Variants in KHDRBS2 observed in about 807,000 individuals in gnomAD.
KHDRBS2 encodes KH domain-containing, RNA-binding, signal transduction-associated protein 2.
In KHDRBS2, 26 loss-of-function variants were observed where a neutral mutation model predicts 44.3. That is an observed-to-expected ratio of 0.59 (90% CI 0.43 to 0.81). The LOEUF is 0.81. Among genes scored for constraint, KHDRBS2 ranks in the 40% least tolerant of loss-of-function variants. The pLI, the probability that KHDRBS2 is intolerant of heterozygous loss-of-function variation, is 0.00. For synonymous variants in KHDRBS2, 194 were observed against 151.1 expected (o/e 1.28, Z -2.08); for missense variants, 476 against 433.1 (o/e 1.10, Z -0.88).
intron 1 of KHDRBS2, among the ~76,000 whole-genome samples, chr6:62,240,153 T>G (rs1834363525): frequency 6.6e-6 from 1 of 152,158 alleles, no homozygotes; most frequent in African/African-American, 2.4e-5. Flanking sequence ...CCATCATTGA[T>G]ACATTATATT....
chr6:61,970,912 G>A (rs1245507049), intron 4 of KHDRBS2, among the ~76,000 whole-genome samples: 4 of 152,136 alleles, frequency 2.6e-5, no homozygotes, highest in Non-Finnish European at 5.9e-5. Context: ...TGTGGGAGGA[G>A]AAGAGTTTTG....
intron 1 of KHDRBS2, among the ~76,000 whole-genome samples, chr6:62,201,846 T>C (rs973261896): frequency 6.6e-6 from 1 of 152,040 alleles, no homozygotes; most frequent in Non-Finnish European, 1.5e-5. Context: ...GACATGTCAA[T>C]GTTTACACAA....
intron 3 of KHDRBS2, among the ~76,000 whole-genome samples, chr6:62,006,251 G>A (rs1470769899): frequency 2.0e-5 from 3 of 151,826 alleles, no homozygotes; most frequent in East Asian, 3.9e-4. Flanking sequence ...AGGCAACAAT[G>A]GAAGACAAAA....
At chr6:61,976,384 A>G (rs1772663493) in intron 4 of KHDRBS2, among the ~76,000 whole-genome samples, 1 of 152,152 alleles carries the variant, frequency 6.6e-6, no homozygotes. Flanking sequence ...CATTCTGTCT[A>G]GGAAGTGAGC....
intron 2 of KHDRBS2, among the ~76,000 whole-genome samples, chr6:62,051,194 C>T (rs909068468): frequency 2.0e-5 from 3 of 152,014 alleles, no homozygotes; most frequent in Admixed American, 2.0e-4. Flanking sequence ...TATAGGTATA[C>T]TTTTATCAAA....
chr6:61,580,079 T>C, the KHDRBS2 span, among the ~76,000 whole-genome samples: 1 of 152,130 alleles, frequency 6.6e-6, no homozygotes, highest in African/African-American at 2.4e-5. Context: ...GAAAGGCTTC[T>C]TCTTGATGAA....
chr6:62,070,171 A>G (rs1794658314), intron 2 of KHDRBS2, among the ~76,000 whole-genome samples: 1 of 151,754 alleles, frequency 6.6e-6, no homozygotes. Flanking sequence ...GCAATAGTGC[A>G]CAATCCATTT....
chr6:61,648,623 T>TA, the KHDRBS2 span, among the ~76,000 whole-genome samples: 1 of 152,132 alleles, frequency 6.6e-6, no homozygotes, highest in African/African-American at 2.4e-5. Context: ...CTTTCAATAA[T>TA]ATGTGGCAAA....
intron 4 of KHDRBS2, among the ~76,000 whole-genome samples, chr6:61,962,674 A>G (rs1431086556): frequency 2.0e-5 from 3 of 152,044 alleles, no homozygotes; most frequent in Non-Finnish European, 2.9e-5. Context: ...AATCTGGAGG[A>G]TAACTGTCAA....
At chr6:61,838,980 T>C (rs2127269656) in intron 6 of KHDRBS2, among the ~76,000 whole-genome samples, 1 of 152,118 alleles carries the variant, frequency 6.6e-6, no homozygotes, top group South Asian at 2.1e-4. Context: ...TACTCACCAC[T>C]CTCCTCCAGT....
chr6:62,063,078 G>C (rs1792449803), intron 2 of KHDRBS2, among the ~76,000 whole-genome samples: 1 of 140,010 alleles, frequency 7.1e-6, no homozygotes, highest in Admixed American at 7.3e-5. Flanking sequence ...GACTAAACCA[G>C]GAAGAAGTTG....
chr6:61,643,969 G>A, the KHDRBS2 span, among the ~76,000 whole-genome samples: 1 of 151,982 alleles, frequency 6.6e-6, no homozygotes, highest in Admixed American at 6.6e-5. Flanking sequence ...AAATTTATAT[G>A]GAACCAAAAT....
At chr6:61,905,830 A>G (rs957154662) in intron 4 of KHDRBS2, among the ~76,000 whole-genome samples, 1 of 151,602 alleles carries the variant, frequency 6.6e-6, no homozygotes, top group Admixed American at 6.6e-5. Context: ...TAAATGCTTA[A>G]AAAAAATATG....
intron 4 of KHDRBS2, among the ~76,000 whole-genome samples, chr6:61,955,240 GTATGTATACATATA>G (rs1179260711): frequency 2.1e-5 from 3 of 143,722 alleles, no homozygotes; most frequent in African/African-American, 7.6e-5. Flanking sequence ...ACATACGTAT[GTATGTATACATATA>G]TATGTATACA....
chr6:62,025,303 A>AT (rs1584231400), intron 3 of KHDRBS2, among the ~76,000 whole-genome samples: 2 of 151,472 alleles, frequency 1.3e-5, no homozygotes, highest in Admixed American at 6.6e-5. Flanking sequence ...CTTCATCACT[A>AT]TTTTTTCAAA....
intron 6 of KHDRBS2, among the ~76,000 whole-genome samples, chr6:61,766,016 C>T (rs1483465630): frequency 2.0e-5 from 3 of 151,922 alleles, no homozygotes; most frequent in East Asian, 3.9e-4. Flanking sequence ...TGGAAGTCTT[C>T]CGTCCTCTAT....
chr6:62,061,174 T>C (rs1263437242), intron 2 of KHDRBS2, among the ~76,000 whole-genome samples: 2 of 151,874 alleles, frequency 1.3e-5, no homozygotes, highest in African/African-American at 2.4e-5. Context: ...TCCATTTACA[T>C]TTAGAGTTAA....
the KHDRBS2 span, among the ~76,000 whole-genome samples, chr6:61,598,292 C>A: frequency 6.8e-6 from 1 of 147,648 alleles, no homozygotes; most frequent in Non-Finnish European, 1.5e-5. Flanking sequence ...TGACTCAAAG[C>A]CAAAACAAGC....
intron 4 of KHDRBS2, among the ~76,000 whole-genome samples, chr6:61,926,661 T>G (rs1809030526): frequency 6.6e-6 from 1 of 152,108 alleles, no homozygotes. Context: ...CAGCAGGGAT[T>G]TAGGATTATT....
Sources: gnomAD v4.1 joint callset for allele counts (sites outside exome capture counted in the v4.1 genomes callset) on GRCh38, gnomAD v4.1.1 for gene constraint, MANE v1.5 for transcripts, NCBI Gene and HGNC (gene_info 2026-07-23, HGNC 2026-07-21) for gene names.